The following NEDD4L variants were observed in gnomAD, a reference collection of about 807,000 sequenced individuals.
NEDD4L encodes E3 ubiquitin-protein ligase NEDD4-like.
A neutral mutation model predicts 148.9 loss-of-function variants in NEDD4L; 54 were observed. The ratio of observed to expected loss-of-function variants is 0.36; its 90% CI spans 0.29 to 0.45. The LOEUF is 0.45. Among genes scored for constraint, NEDD4L ranks in the 20% least tolerant of loss-of-function variants. NEDD4L has a pLI of 1.00. For missense variants in NEDD4L, 856 were observed against 1,233.8 expected, an observed-to-expected ratio of 0.69 and a Z score of 4.59; for synonymous variants, 433 against 440.7, an observed-to-expected ratio of 0.98 and a Z score of 0.22.
chr18:58,374,108 T>C (rs907112774), intron 24 of NEDD4L, among the ~76,000 whole-genome samples: 1 of 152,180 alleles, frequency 6.6e-6, no homozygotes, highest in Non-Finnish European at 1.5e-5. Flanking sequence ...AAAAATGAAA[T>C]AGACGTGTTC....
At chr18:58,358,025 A>T (rs1479735447) in intron 19 of NEDD4L, among the ~76,000 whole-genome samples, 1 of 152,210 alleles carries the variant, frequency 6.6e-6, no homozygotes, top group Non-Finnish European at 1.5e-5. Flanking sequence ...TCAGCAGAAG[A>T]TTGCAAATTT....
chr18:58,292,859 G>C (rs896344829), intron 5 of NEDD4L, among the ~76,000 whole-genome samples: 1 of 152,148 alleles, frequency 6.6e-6, no homozygotes, highest in Non-Finnish European at 1.5e-5. Context: ...ATAAACACTT[G>C]CCTGTTAAGT....
intron 27 of NEDD4L, chr18:58,387,744 A>G: frequency 5.3e-6 from 2 of 375,904 alleles, no homozygotes; most frequent in East Asian, 6.1e-5. Flanking sequence ...TGCCTTGTCC[A>G]TCAGAGGGCA....
At chr18:58,332,013 T>C (rs1034164000) in intron 11 of NEDD4L, among the ~76,000 whole-genome samples, 2 of 152,220 alleles carry the variant, frequency 1.3e-5, no homozygotes, top group Admixed American at 6.5e-5. Flanking sequence ...AGAAATTGCA[T>C]ATATATGGGA....
chr18:58,068,191 T>C (rs968955695), intron 1 of NEDD4L, among the ~76,000 whole-genome samples: 2 of 107,106 alleles, frequency 1.9e-5, no homozygotes, highest in Non-Finnish European at 3.6e-5. Context: ...CCTAGAATTC[T>C]TTTTTTTTTT....
At chr18:58,157,436 C>G (rs1321884295) in intron 1 of NEDD4L, among the ~76,000 whole-genome samples, 3 of 152,072 alleles carry the variant, frequency 2.0e-5, no homozygotes, top group African/African-American at 7.2e-5. Context: ...ATGCAGTTTG[C>G]TTTATGCATT....
intron 1 of NEDD4L, among the ~76,000 whole-genome samples, chr18:58,119,425 C>G (rs1598915436): frequency 6.6e-6 from 1 of 152,190 alleles, no homozygotes; most frequent in East Asian, 1.9e-4. Context: ...GTCTCTCTTT[C>G]TGGCATTTGT....
At chr18:58,291,430 A>C (rs1315705900) in intron 5 of NEDD4L, among the ~76,000 whole-genome samples, 1 of 152,220 alleles carries the variant, frequency 6.6e-6, no homozygotes, top group African/African-American at 2.4e-5. Flanking sequence ...CAATATTTCT[A>C]TTTTAAAAGT....
At chr18:58,206,070 C>T (rs2041952825) in intron 2 of NEDD4L, among the ~76,000 whole-genome samples, 2 of 152,264 alleles carry the variant, frequency 1.3e-5, no homozygotes, top group Non-Finnish European at 2.9e-5. Context: ...AAGATGCTCC[C>T]CTTTGCGCTG....
At chr18:58,103,518 A>G (rs1000856767) in intron 1 of NEDD4L, among the ~76,000 whole-genome samples, 2 of 152,140 alleles carry the variant, frequency 1.3e-5, no homozygotes, top group African/African-American at 4.8e-5. Context: ...GGCCAATCAC[A>G]GCACTTCTTT....
intron 1 of NEDD4L, among the ~76,000 whole-genome samples, chr18:58,070,061 G>A (rs1382780013): frequency 2.6e-5 from 4 of 152,132 alleles, no homozygotes; most frequent in Non-Finnish European, 5.9e-5. Context: ...CGACCATTTG[G>A]CAGCTTGCTT....
chr18:58,259,010 G>A (rs1026812183), intron 5 of NEDD4L, among the ~76,000 whole-genome samples: 27 of 152,160 alleles, frequency 1.8e-4, no homozygotes, highest in African/African-American at 6.0e-4. Context: ...TGAAAAATTA[G>A]CTAGAATCTG....
In NEDD4L at chr18:58,300,317, G is replaced by T. The variant is rs536195868; in HGVS notation, c.298-15665G>T. 2.0e-5 allele frequency among the ~76,000 whole-genome samples: 3 copies of T among 152,292 alleles called. No homozygotes were observed. The East Asian group carries it at 5.8e-4, about 29-fold the overall frequency. On this transcript the variant is annotated intron_variant, in intron 5 of 30. Coordinates refer to ENST00000400345, the MANE Select transcript of NEDD4L (RefSeq NM_001144967.3). Reference sequence around the variant, plus strand: ...TAAAATTAATTGTGTGATGCAAATAGGAGGGTTACCACCCCAAGCTTAAAT... The same window carrying T: ...TAAAATTAATTGTGTGATGCAAATATGAGGGTTACCACCCCAAGCTTAAAT...
chr18:58,142,053 T>TTTTTTTA (rs2033593668), intron 1 of NEDD4L, among the ~76,000 whole-genome samples: 1 of 132,444 alleles, frequency 7.6e-6, no homozygotes, highest in South Asian at 2.7e-4. Context: ...TTTTTTTTTT[T>TTTTTTTA]TTTTTTTTTT....
chr18:58,312,238 A>G (rs1172451944), intron 5 of NEDD4L, among the ~76,000 whole-genome samples: 1 of 152,178 alleles, frequency 6.6e-6, no homozygotes, highest in Admixed American at 6.5e-5. Context: ...CACATTTTCA[A>G]CCTTGAGAAT....
chr18:58,383,411 A>G (rs2048597082), intron 25 of NEDD4L, 92 bp downstream of exon 25: 2 of 737,004 alleles, frequency 2.7e-6, no homozygotes, highest in African/African-American at 1.7e-5. Flanking sequence ...TGCATTTATT[A>G]TGGGCATGAG....
In NEDD4L at chr18:58,376,387, G is replaced by C. The variant is rs1027682282; in HGVS notation, c.2352+3118G>C. ...CATGAGATGAGTAAGATAAGAATTAGGTGCCCAGTTTGTTGAATTACTGCC... is the reference window on the plus strand; with the variant it reads ...CATGAGATGAGTAAGATAAGAATTACGTGCCCAGTTTGTTGAATTACTGCC... On this transcript the variant is annotated intron_variant, in intron 24 of 30. Coordinates refer to ENST00000400345, the MANE Select transcript of NEDD4L (RefSeq NM_001144967.3). Among the ~76,000 whole-genome samples, 3 of 152,136 alleles carry C rather than the reference G, an allele frequency of 2.0e-5. No individual in the cohort carries two copies. In the East Asian group the frequency reaches 5.8e-4, roughly 29 times the overall value.
chr18:58,350,386 C>A (rs1448483570), intron 17 of NEDD4L, among the ~76,000 whole-genome samples: 1 of 152,140 alleles, frequency 6.6e-6, no homozygotes, highest in Admixed American at 6.5e-5. Flanking sequence ...ATAGAAAGAA[C>A]CAGAGAGTTA....
In NEDD4L at chr18:58,117,055, GA is replaced by G. The variant is rs1280961341; in HGVS notation, c.49-48730del. Among the ~76,000 whole-genome samples, 117 of 152,354 alleles carry G rather than the reference GA, an allele frequency of 7.7e-4. 2 individuals are homozygous for G. Among genetic ancestry groups the G allele is most frequent in the African/African-American group, 2.6e-3 (110 of 41,570 alleles). ...GCGGCAGCTCTTAACATACCTGGGA[GA>G]AAGCAAGTGCTTAGTAAACAGTTGA... On this transcript the variant is annotated intron_variant, in intron 1 of 30. Coordinates refer to ENST00000400345, the MANE Select transcript of NEDD4L (RefSeq NM_001144967.3).
Sources: allele counts gnomAD v4.1 joint callset (sites outside exome capture counted in the v4.1 genomes callset), GRCh38; gene constraint gnomAD v4.1.1; transcripts MANE v1.5; gene names NCBI Gene and HGNC (gene_info 2026-07-23, HGNC 2026-07-21).